NPAS3: variants seen among roughly 807,000 people sequenced by gnomAD.
NPAS3 encodes the protein neuronal PAS domain protein 3, also known as neuronal PAS domain-containing protein 3.
NPAS3 carries 14 observed loss-of-function variants against 73.1 expected under a neutral mutation model. The observed-to-expected ratio is 0.19, with a 90% CI of 0.13 to 0.30. The LOEUF (loss-of-function observed/expected upper bound fraction) is 0.30. NPAS3 is among the 10% of genes least tolerant of loss of function. The pLI is 1.00. For synonymous variants in NPAS3, 620 were observed against 541.5 expected (o/e 1.14, Z -2.01); for missense variants, 1,096 against 1,250.0 (o/e 0.88, Z 1.86).
At chr14:33,543,761 A>G (rs1254273613) in intron 4 of NPAS3, among the ~76,000 whole-genome samples, 2 of 151,950 alleles carry the variant, frequency 1.3e-5, no homozygotes, top group Admixed American at 6.6e-5. Context: ...ATTCTGCTCT[A>G]TGTCTCAGGG....
At chr14:33,164,665 TA>T (rs1445941572) in intron 2 of NPAS3, among the ~76,000 whole-genome samples, 2 of 152,152 alleles carry the variant, frequency 1.3e-5, no homozygotes, top group Non-Finnish European at 2.9e-5. Flanking sequence ...GTGTCCCATT[TA>T]ATCTTCACAG....
intron 3 of NPAS3, among the ~76,000 whole-genome samples, chr14:33,309,046 G>C (rs551961621): frequency 6.6e-6 from 1 of 152,266 alleles, no homozygotes; most frequent in African/African-American, 2.4e-5. Context: ...GATATTTGGT[G>C]AAAAATTAAG....
chr14:33,666,105 G>C (rs985074925), intron 5 of NPAS3, among the ~76,000 whole-genome samples: 2 of 152,164 alleles, frequency 1.3e-5, no homozygotes, highest in Non-Finnish European at 1.5e-5. Flanking sequence ...TATTTTAAAA[G>C]GAAGGGGAAA....
chr14:33,543,946 CATATAT>C (rs35154724), intron 4 of NPAS3, among the ~76,000 whole-genome samples: 617 of 103,720 alleles, frequency 5.9e-3, no homozygotes, highest in Non-Finnish European at 9.7e-3. Flanking sequence ...TGGCAAAGTG[CATATAT>C]ATATATATAT....
chr14:32,979,428 C>A (rs1210682684), intron 1 of NPAS3, among the ~76,000 whole-genome samples: 1 of 151,984 alleles, frequency 6.6e-6, no homozygotes, highest in Non-Finnish European at 1.5e-5. Context: ...TGGAAAAAAT[C>A]CTTTGTGGTA....
At chr14:33,645,776 A>G (rs2058812092) in intron 5 of NPAS3, among the ~76,000 whole-genome samples, 2 of 152,214 alleles carry the variant, frequency 1.3e-5, no homozygotes, top group Non-Finnish European at 2.9e-5. Context: ...ATAATCACAC[A>G]TTTGAGTGTC....
chr14:33,345,417 A>G (rs1471458547), intron 3 of NPAS3, among the ~76,000 whole-genome samples: 2 of 152,230 alleles, frequency 1.3e-5, no homozygotes, highest in Non-Finnish European at 2.9e-5. Context: ...GAAGCTTTTT[A>G]TTGTAATCCT....
intron 9 of NPAS3, among the ~76,000 whole-genome samples, chr14:33,787,523 G>A (rs2063214575): frequency 6.7e-6 from 1 of 150,120 alleles, no homozygotes; most frequent in African/African-American, 2.5e-5. Flanking sequence ...CAGGTCTTCT[G>A]TCCTTAAGCT....
intron 4 of NPAS3, among the ~76,000 whole-genome samples, chr14:33,473,896 T>G (rs542667727): frequency 1.3e-5 from 2 of 152,314 alleles, no homozygotes; most frequent in African/African-American, 2.4e-5. Flanking sequence ...TGAAGGCATA[T>G]GATCCACAAA....
chr14:33,700,421 G>T (rs1310223008), intron 6 of NPAS3, among the ~76,000 whole-genome samples: 1 of 152,152 alleles, frequency 6.6e-6, no homozygotes, highest in Non-Finnish European at 1.5e-5. Context: ...TAAAAATAAT[G>T]TTCTGTCAGT....
intron 2 of NPAS3, among the ~76,000 whole-genome samples, chr14:33,118,067 C>T (rs1012790999): frequency 1.3e-5 from 2 of 152,012 alleles, no homozygotes; most frequent in Admixed American, 6.6e-5. Context: ...AGCATATTTC[C>T]AGTCTATTTC....
intron 5 of NPAS3, among the ~76,000 whole-genome samples, chr14:33,616,850 T>G (rs1243458421): frequency 1.3e-5 from 2 of 152,236 alleles, no homozygotes; most frequent in African/African-American, 2.4e-5. Flanking sequence ...ACTTGTCCTC[T>G]GTCAGCCGAG....
chr14:33,241,953 G>A (rs2048226103), intron 3 of NPAS3, among the ~76,000 whole-genome samples: 1 of 151,918 alleles, frequency 6.6e-6, no homozygotes, highest in African/African-American at 2.4e-5. Context: ...CATGAAAATA[G>A]TTTCATGTTT....
At chr14:33,518,537 C>G (rs1338463889) in intron 4 of NPAS3, among the ~76,000 whole-genome samples, 1 of 151,548 alleles carries the variant, frequency 6.6e-6, no homozygotes, top group Non-Finnish European at 1.5e-5. Flanking sequence ...CCTCATCACT[C>G]TGCAATATAT....
chr14:33,537,087 C>T (rs2054290168), intron 4 of NPAS3, among the ~76,000 whole-genome samples: 1 of 152,140 alleles, frequency 6.6e-6, no homozygotes, highest in Admixed American at 6.5e-5. Flanking sequence ...ATATATCTGA[C>T]AGGAATGGTA....
At chr14:33,677,023 T>C (rs1034394781) in intron 6 of NPAS3, among the ~76,000 whole-genome samples, 5 of 152,340 alleles carry the variant, frequency 3.3e-5, no homozygotes, top group Admixed American at 2.6e-4. Flanking sequence ...GTTCCCATTT[T>C]CATTGTGTTG....
At chr14:33,011,075 T>C (rs1056987031) in intron 1 of NPAS3, among the ~76,000 whole-genome samples, 1 of 152,134 alleles carries the variant, frequency 6.6e-6, no homozygotes, top group African/African-American at 2.4e-5. Flanking sequence ...TTGGGTTAAA[T>C]CGAGGAATAG....
intron 3 of NPAS3, among the ~76,000 whole-genome samples, chr14:33,358,426 G>T (rs1315134): frequency 1.3e-5 from 2 of 151,996 alleles, no homozygotes; most frequent in African/African-American, 4.8e-5. Flanking sequence ...AGGATGATGC[G>T]CCTGGAACAT....
intron 7 of NPAS3, among the ~76,000 whole-genome samples, chr14:33,764,720 C>T (rs1026065012): frequency 2.6e-5 from 4 of 152,220 alleles, no homozygotes; most frequent in African/African-American, 9.6e-5. Flanking sequence ...GGCGACACCC[C>T]GCTCCTTTAC....
Sources: gnomAD v4.1 joint callset for allele counts (sites outside exome capture counted in the v4.1 genomes callset) on GRCh38, gnomAD v4.1.1 for gene constraint, MANE v1.5 for transcripts, NCBI Gene and HGNC (gene_info 2026-07-23, HGNC 2026-07-21) for gene names.